The following ZNF704 variants were observed in gnomAD, a reference collection of about 807,000 sequenced individuals.
The protein encoded by ZNF704 is glucocorticoid induced gene 1.
In ZNF704, 10 loss-of-function variants were observed where a neutral mutation model predicts 44.7. The observed-to-expected ratio is 0.22, with a 90% CI of 0.14 to 0.38. ZNF704 has a LOEUF of 0.38. Among genes scored for constraint, ZNF704 ranks in the 10% least tolerant of loss-of-function variants. The probability of loss-of-function intolerance (pLI) is 1.00; values close to 1 mark genes in which losing one functional copy is unlikely to be tolerated. For missense variants in ZNF704, 390 were observed against 545.5 expected, an observed-to-expected ratio of 0.71 and a Z score of 2.84; for synonymous variants, 211 against 207.6, an observed-to-expected ratio of 1.02 and a Z score of -0.14.
At chr8:80,817,171 C>T (rs77438183) in intron 2 of ZNF704, among the ~76,000 whole-genome samples, 9,078 of 152,184 alleles carry the variant, frequency 0.06, 301 homozygotes, top group Non-Finnish European at 0.076. Flanking sequence ...GTCTCAAGCC[C>T]GCACAGCCTA....
In ZNF704 at chr8:80,663,876, C is replaced by T. The variant is rs182211070; in HGVS notation, c.927+939G>A. On this transcript the variant is annotated intron_variant, in intron 6 of 8. Transcript: ENST00000327835. The stretch of plus-strand genomic sequence containing the variant: ...TCCCAAGTAGCTGGGACTACAGGTA[C>T]GCACCACCATGCCTGGCTAATTTTT... Among the ~76,000 whole-genome samples, 261 of 151,838 alleles carry T rather than the reference C, an allele frequency of 1.7e-3. 1 individual carries two copies. The highest frequency in any genetic ancestry group is 5.9e-3 in the African/African-American group (246 of 41,416).
At chr8:80,654,908 A>G (rs982382613) in intron 7 of ZNF704, among the ~76,000 whole-genome samples, 1 of 152,252 alleles carries the variant, frequency 6.6e-6, no homozygotes, top group Non-Finnish European at 1.5e-5. Context: ...TTATTTGGAC[A>G]CTATTCACAA....
chr8:80,805,060 A>T (rs1807966885), intron 2 of ZNF704, among the ~76,000 whole-genome samples: 1 of 152,164 alleles, frequency 6.6e-6, no homozygotes, highest in Admixed American at 6.5e-5. Flanking sequence ...TATAAATGTC[A>T]TTATCAAACT....
At chr8:80,743,239 A>C (rs1041448204) in intron 2 of ZNF704, among the ~76,000 whole-genome samples, 62 of 150,200 alleles carry the variant, frequency 4.1e-4, no homozygotes, top group African/African-American at 1.2e-3. Flanking sequence ...ATAAAAAAAA[A>C]ACAACTCCAC....
intron 2 of ZNF704, among the ~76,000 whole-genome samples, chr8:80,786,882 G>A (rs1807624226): frequency 6.6e-6 from 1 of 152,166 alleles, no homozygotes; most frequent in Admixed American, 6.5e-5. Context: ...TGATAGCCCA[G>A]AAGATCAGGA....
At chr8:80,809,402 T>C (rs751522747) in intron 2 of ZNF704, among the ~76,000 whole-genome samples, 1 of 152,224 alleles carries the variant, frequency 6.6e-6, no homozygotes, top group Non-Finnish European at 1.5e-5. Context: ...CCTTGTAAGA[T>C]GTTACTCTTA....
chr8:80,816,662 A>T (rs905371563), intron 2 of ZNF704, among the ~76,000 whole-genome samples: 4 of 152,112 alleles, frequency 2.6e-5, no homozygotes, highest in African/African-American at 9.7e-5. Context: ...CAACCCAATT[A>T]CTGCTCTCCA....
intron 2 of ZNF704, among the ~76,000 whole-genome samples, chr8:80,795,755 A>G (rs1257888313): frequency 6.6e-6 from 1 of 151,996 alleles, no homozygotes; most frequent in Non-Finnish European, 1.5e-5. Context: ...TGTAGCTAAT[A>G]TAACAATGAA....
At position 80,693,044 on chromosome 8, in the gene ZNF704, C is replaced by T. The variant is rs116424968; in HGVS notation, c.285G>A (p.Ser95=). Residue 95 remains serine, a synonymous_variant, in exon 3 of 9, where the codon TCG becomes TCA. Transcript: ENST00000327835. Reference sequence around the variant, plus strand: ...GAGGACTTCGAACCAAAGGGCTAGTCGACAAGCTGGTTAGTACCATTGCTG... The same window carrying T: ...GAGGACTTCGAACCAAAGGGCTAGTTGACAAGCTGGTTAGTACCATTGCTG... ...VTAAMVLTSL[S]TSPLVRSPPV... is the part of the protein sequence containing the mutation. 1,105 of 1,614,082 alleles carry T rather than the reference C, an allele frequency of 6.8e-4. 5 individuals are homozygous for T. The African/African-American group carries it at 0.013, about 18-fold the overall frequency.
At chr8:80,687,979 G>C (rs1294664660) in intron 3 of ZNF704, among the ~76,000 whole-genome samples, 1 of 152,168 alleles carries the variant, frequency 6.6e-6, no homozygotes, top group Non-Finnish European at 1.5e-5. Context: ...GCTGAGGTAG[G>C]AGGATCGCTT....
Position 80,843,990 on chromosome 8 carries a change from T to TAC in ZNF704, c.-21-22377_-21-22376dup, listed in dbSNP as rs3065398. On this transcript the variant is annotated intron_variant, in intron 1 of 8. Transcript: ENST00000327835. ...ATATGTGTATATATATATATATATA[T>TAC]ACACATACACACATGTATATGTGTG... 6.0e-3 allele frequency among the ~76,000 whole-genome samples: 875 copies of TAC among 145,448 alleles called. 7 individuals are homozygous for TAC. Among genetic ancestry groups the TAC allele is most frequent in the African/African-American group, 0.021 (829 of 39,074 alleles).
At chr8:80,682,087 C>T (rs1818462588) in intron 4 of ZNF704, among the ~76,000 whole-genome samples, 2 of 152,178 alleles carry the variant, frequency 1.3e-5, no homozygotes, top group Admixed American at 6.5e-5. Context: ...CTGGAACAGC[C>T]GTTCTTTTTG....
intron 2 of ZNF704, among the ~76,000 whole-genome samples, chr8:80,768,334 A>G (rs1807262637): frequency 6.6e-6 from 1 of 152,152 alleles, no homozygotes; most frequent in South Asian, 2.1e-4. Flanking sequence ...CCATAAGCCA[A>G]TCACCCTCAA....
chr8:80,641,448 C>A lies in ZNF704; in HGVS notation c.1157G>T (p.Arg386Leu). The A allele has an allele frequency of 6.2e-7, 1 of 1,613,510 alleles. No individual in the cohort carries two copies. The highest frequency in any genetic ancestry group is 8.5e-7 in the Non-Finnish European group (1 of 1,179,754). Residue 386 changes from arginine (R) to leucine (L), a missense_variant, in exon 9 of 9, where the codon CGG (arginine) becomes CTG (leucine). Coordinates refer to ENST00000327835, the MANE Select transcript of ZNF704 (RefSeq NM_001033723.3). ...TCGGTTCTCCATCCCGTACACCTTC[C>A]GACACTTTTTGCCCTCTCCCCTGGG... is the stretch of plus-strand genomic sequence containing the variant. Reference protein sequence around the residue: ...RKPRGEGKKCRKVYGMENRDM... With the variant: ...RKPRGEGKKCLKVYGMENRDM...
chr8:80,775,945 A>G (rs1286932128), intron 2 of ZNF704, among the ~76,000 whole-genome samples: 1 of 152,220 alleles, frequency 6.6e-6, no homozygotes, highest in Non-Finnish European at 1.5e-5. Context: ...TAGCTCATAA[A>G]GTGGGCTTTA....
intron 2 of ZNF704, among the ~76,000 whole-genome samples, chr8:80,752,563 C>CA (rs1282296924): frequency 6.6e-6 from 1 of 150,732 alleles, no homozygotes; most frequent in African/African-American, 2.4e-5. Flanking sequence ...AAAAACGAAA[C>CA]AGAGTTTCGT....
chr8:80,854,772 T>C (rs919926001), intron 1 of ZNF704, among the ~76,000 whole-genome samples: 4 of 152,234 alleles, frequency 2.6e-5, no homozygotes, highest in African/African-American at 9.6e-5. Flanking sequence ...ATTTGTCAAA[T>C]GAAAACTGTA....
chr8:80,666,859 A>T (rs963824289), intron 5 of ZNF704, among the ~76,000 whole-genome samples: 2 of 150,634 alleles, frequency 1.3e-5, no homozygotes, highest in Non-Finnish European at 3.0e-5. Context: ...TAGATTCTGG[A>T]TATTAGCCCT....
At position 80,872,336 on chromosome 8, in the gene ZNF704, A is replaced by G. The variant is rs117237533; in HGVS notation, c.-22+2235T>C. ...AGAGCTGGTACTTCCAGGGTGGTCT[A>G]GGAAATAAATTTCTGCCCACATCTA... On this transcript the variant is annotated intron_variant, in intron 1 of 8. Coordinates refer to ENST00000327835, the MANE Select transcript of ZNF704 (RefSeq NM_001033723.3). 2.4e-3 allele frequency among the ~76,000 whole-genome samples: 371 copies of G among 152,342 alleles called. 18 individuals carry two copies. The East Asian group carries it at 0.059, about 24-fold the overall frequency.
Sources: allele counts gnomAD v4.1 joint callset (sites outside exome capture counted in the v4.1 genomes callset), GRCh38; gene constraint gnomAD v4.1.1; transcripts MANE v1.5; gene names NCBI Gene and HGNC (gene_info 2026-07-23, HGNC 2026-07-21).